The following NECTIN3 variants were observed in gnomAD, a reference collection of about 807,000 sequenced individuals.
The protein encoded by NECTIN3 is nectin cell adhesion molecule 3, also known as nectin-3.
A neutral mutation model predicts 49.4 loss-of-function variants in NECTIN3; 8 were observed. The ratio of observed to expected loss-of-function variants is 0.16; its 90% CI spans 0.10 to 0.29. The LOEUF is 0.29. Ranked by LOEUF, NECTIN3 falls within the 10% of genes least tolerant of loss-of-function variation. NECTIN3 has a pLI of 1.00. For missense variants in NECTIN3, 581 were observed against 654.6 expected (o/e 0.89, Z 1.23); for synonymous variants, 277 against 241.1 (o/e 1.15, Z -1.38).
At chr3:111,111,154 C>T (rs1205541138) in intron 1 of NECTIN3, among the ~76,000 whole-genome samples, 1 of 152,120 alleles carries the variant, frequency 6.6e-6, no homozygotes, top group African/African-American at 2.4e-5. Context: ...ACTTGTTATA[C>T]ATATTCTGAT....
chr3:111,192,545 G>A (rs73854929), intron 1 of NECTIN3: 27,909 of 907,452 alleles, frequency 0.031, 562 homozygotes, highest in African/African-American at 0.044. Context: ...CTAAGATCTG[G>A]TAGTCCTTGA....
Position 111,159,518 on chromosome 3 carries a change from G to T in NECTIN3, c.1221+12034G>T, listed in dbSNP as rs567828913. Among the ~76,000 whole-genome samples the T allele has an allele frequency of 3.9e-5, 6 of 151,996 alleles. No individual in the cohort carries two copies. In the South Asian group the frequency reaches 1.0e-3, roughly 26 times the overall value. On this transcript the variant is annotated intron_variant, in intron 7 of 8. Coordinates refer to the NECTIN3 transcript ENST00000493615. ...ATTTTATTTTATTTTTTTAAGTGAG[G>T]AATGTGATATTATGAGTTACCTAAC...
At chr3:111,072,483 C>A in intron 1 of NECTIN3, 1 of 1,535,926 alleles carries the variant, frequency 6.5e-7, no homozygotes. Context: ...GGGACCGTTA[C>A]TTCCTCGCTC....
intron 1 of NECTIN3, among the ~76,000 whole-genome samples, chr3:111,107,432 C>A (rs2033232164): frequency 6.6e-6 from 1 of 152,030 alleles, no homozygotes; most frequent in African/African-American, 2.4e-5. Context: ...AGAGTAGAAA[C>A]AGAGTAGTAT....
At chr3:111,178,723 G>T (rs865858701) in intron 7 of NECTIN3, among the ~76,000 whole-genome samples, 6 of 152,146 alleles carry the variant, frequency 3.9e-5, no homozygotes, top group Admixed American at 3.9e-4. Flanking sequence ...AATGTTCATT[G>T]TCTTCCCACT....
chr3:111,185,025 G>T (rs1428462209), intron 7 of NECTIN3, among the ~76,000 whole-genome samples: 1 of 152,212 alleles, frequency 6.6e-6, no homozygotes, highest in African/African-American at 2.4e-5. Flanking sequence ...TCTGGTAATT[G>T]TTAAGATAAC....
intron 1 of NECTIN3, chr3:111,074,911 G>A (rs1042379613): frequency 4.0e-5 from 6 of 151,866 alleles, no homozygotes; most frequent in South Asian, 2.1e-4. Flanking sequence ...TATTATCATG[G>A]GTATGGTAAT....
In NECTIN3 at chr3:111,103,453, C is replaced by T. The variant is rs546832112; in HGVS notation, c.161-8577C>T. 1.3e-3 allele frequency among the ~76,000 whole-genome samples: 177 copies of T among 138,796 alleles called. 1 individual carries two copies. The highest frequency in any genetic ancestry group is 2.0e-3 in the Non-Finnish European group (128 of 63,260). 91.1% of individuals were successfully genotyped at this position (138,796 alleles called of 152,430 possible). A position where few individuals can be genotyped will look rare whatever the true frequency, so the allele number is the denominator to read the frequency against. On this transcript the variant is annotated intron_variant, in intron 1 of 5. Transcript: ENST00000485303. Reference sequence around the variant, plus strand: ...TACTGATACGTAAGAAAGTGATTGACTTTTTTTTTTTTTTAAATTAACTTT... The same window carrying T: ...TACTGATACGTAAGAAAGTGATTGATTTTTTTTTTTTTTTAAATTAACTTT...
At chr3:111,112,807 G>T (rs76989203) in intron 2 of NECTIN3, among the ~76,000 whole-genome samples, 4,765 of 151,796 alleles carry the variant, frequency 0.031, 243 homozygotes, top group African/African-American at 0.11. Context: ...TTTTATTCCT[G>T]CTATTTTAGA....
At chr3:111,107,365 A>C (rs2033229161) in intron 1 of NECTIN3, among the ~76,000 whole-genome samples, 1 of 152,088 alleles carries the variant, frequency 6.6e-6, no homozygotes, top group Admixed American at 6.5e-5. Context: ...AAGAATAATA[A>C]ATTCAATTTA....
intron 1 of NECTIN3, among the ~76,000 whole-genome samples, chr3:111,100,579 A>G (rs574431646): frequency 2.0e-5 from 3 of 152,246 alleles, no homozygotes; most frequent in South Asian, 2.1e-4. Context: ...TTTGAAACAC[A>G]TCTTGTCCTA....
At chr3:111,192,090 C>A (rs2035822377), upstream of NECTIN3, among the ~76,000 whole-genome samples, 1 of 152,148 alleles carries the variant, frequency 6.6e-6, no homozygotes, top group Non-Finnish European at 1.5e-5. Flanking sequence ...CCTTGGCCTC[C>A]CAAAGTGCTA....
chr3:111,193,430 G>C, intron 1 of NECTIN3: 1 of 1,491,706 alleles, frequency 6.7e-7, no homozygotes, highest in Admixed American at 2.0e-5. Flanking sequence ...TCTTAGATTG[G>C]GGAGAGAAGC....
intron 1 of NECTIN3, among the ~76,000 whole-genome samples, chr3:111,192,585 T>C (rs797004299): frequency 7.2e-5 from 11 of 152,334 alleles, no homozygotes; most frequent in African/African-American, 2.6e-4. Flanking sequence ...TCAAGTTTTA[T>C]GAAACCAATA....
chr3:111,160,079 A>G (rs2035179140), intron 7 of NECTIN3, among the ~76,000 whole-genome samples: 1 of 152,084 alleles, frequency 6.6e-6, no homozygotes, highest in Non-Finnish European at 1.5e-5. Context: ...ATTTCATTGA[A>G]CTCTAATATT....
At chr3:111,099,106 C>G (rs2032756691) in intron 1 of NECTIN3, among the ~76,000 whole-genome samples, 1 of 152,056 alleles carries the variant, frequency 6.6e-6, no homozygotes, top group Non-Finnish European at 1.5e-5. Flanking sequence ...TTTACCCTGC[C>G]TGGAAAATCC....
chr3:111,079,613 T>C (rs1343841812), intron 1 of NECTIN3, among the ~76,000 whole-genome samples: 1 of 151,748 alleles, frequency 6.6e-6, no homozygotes, highest in Non-Finnish European at 1.5e-5. Context: ...GAAGAAGGCA[T>C]ATAGCTAACA....
chr3:111,185,812 G>A (rs1328808580), intron 7 of NECTIN3, among the ~76,000 whole-genome samples: 1 of 152,138 alleles, frequency 6.6e-6, no homozygotes, highest in African/African-American at 2.4e-5. Flanking sequence ...AGTTCTGGTG[G>A]GTGGGTAAAG....
In NECTIN3 at chr3:111,135,980, A is replaced by G. The variant is rs996024196; in HGVS notation, c.*1765A>G. ...TGTCTGGGTTTTAATATGGTTAATC[A>G]CTTATATACAAATATTACAACTTTT... On this transcript the variant is annotated 3_prime_UTR_variant, in exon 6 of 6. Transcript: ENST00000485303. 11 of 949,066 alleles carry G rather than the reference A, an allele frequency of 1.2e-5. No homozygotes were observed. The highest frequency in any genetic ancestry group is 1.3e-5 in the Non-Finnish European group (10 of 797,256). The allele number at this position is 949,066 out of a possible 1,614,324, so 58.8% of individuals were successfully genotyped here.
Sources: allele counts gnomAD v4.1 joint callset (sites outside exome capture counted in the v4.1 genomes callset), GRCh38; gene constraint gnomAD v4.1.1; transcripts MANE v1.5; gene names NCBI Gene and HGNC (gene_info 2026-07-23, HGNC 2026-07-21).